Variants in ACYP2 observed in about 807,000 individuals in gnomAD.
ACYP2 encodes the protein acylphosphatase 2, also known as acylphosphatase-2.
Under a neutral mutation model 11.2 loss-of-function variants are expected in ACYP2, and 12 were observed. The ratio of observed to expected loss-of-function variants is 1.08; its 90% CI spans 0.69 to 1.74. ACYP2 has a LOEUF of 1.74. Among genes scored for constraint, ACYP2 ranks in the 40% most tolerant of loss-of-function variants. The pLI is 0.00. For synonymous variants in ACYP2, 43 were observed against 32.2 expected (o/e 1.33, Z -1.13); for missense variants, 134 against 101.9 (o/e 1.31, Z -1.35).
intron 6 of ACYP2, among the ~76,000 whole-genome samples, chr2:54,266,864 C>A (rs930826026): frequency 6.6e-6 from 1 of 151,974 alleles, no homozygotes; most frequent in African/African-American, 2.4e-5. Flanking sequence ...CCGCCTCAGC[C>A]TCCCAAAGTG....
At chr2:54,059,387 T>A (rs2103628778) in intron 4 of ACYP2, among the ~76,000 whole-genome samples, 1 of 151,960 alleles carries the variant, frequency 6.6e-6, no homozygotes, top group African/African-American at 2.4e-5. Context: ...CCTGGCTAAT[T>A]TTTTGTATTT....
intron 4 of ACYP2, among the ~76,000 whole-genome samples, chr2:54,089,395 G>GATATAT (rs58165820): frequency 1.3e-5 from 2 of 148,332 alleles, no homozygotes; most frequent in African/African-American, 2.5e-5. Flanking sequence ...CAGAAGTTCA[G>GATATAT]ATATATATAT....
At chr2:54,036,441 A>C (rs1196208412) in intron 2 of ACYP2, among the ~76,000 whole-genome samples, 1 of 152,224 alleles carries the variant, frequency 6.6e-6, no homozygotes, top group Non-Finnish European at 1.5e-5. Context: ...TTCTGTGGGC[A>C]TCTTTGGGGG....
chr2:54,078,358 A>G (rs1473015624), intron 4 of ACYP2, among the ~76,000 whole-genome samples: 1 of 151,582 alleles, frequency 6.6e-6, no homozygotes, highest in Non-Finnish European at 1.5e-5. Flanking sequence ...CCTAAAAAAA[A>G]AAAGTAATAG....
intron 6 of ACYP2, among the ~76,000 whole-genome samples, chr2:54,188,475 T>A (rs189609334): frequency 1.3e-5 from 2 of 152,306 alleles, no homozygotes; most frequent in Admixed American, 1.3e-4. Context: ...AGATATAATA[T>A]TCGAACTTTC....
intron 6 of ACYP2, among the ~76,000 whole-genome samples, chr2:54,151,404 T>C (rs1423477344): frequency 3.3e-5 from 5 of 152,242 alleles, no homozygotes; most frequent in African/African-American, 1.2e-4. Context: ...TTTTCCTTGC[T>C]TTTTCATCTG....
chr2:53,977,872 T>A (rs1671571197), intron 2 of ACYP2, among the ~76,000 whole-genome samples: 2 of 152,196 alleles, frequency 1.3e-5, no homozygotes, highest in Admixed American at 1.3e-4. Flanking sequence ...GATTTCCTTT[T>A]TTTGTGTGTG....
chr2:54,287,172 G>T (rs1689112094), intron 6 of ACYP2, among the ~76,000 whole-genome samples: 1 of 151,940 alleles, frequency 6.6e-6, no homozygotes. Flanking sequence ...TTCAGTGTCT[G>T]ATAATGGCCT....
chr2:54,190,908 A>G (rs1396609322), intron 6 of ACYP2, among the ~76,000 whole-genome samples: 1 of 152,208 alleles, frequency 6.6e-6, no homozygotes, highest in Non-Finnish European at 1.5e-5. Context: ...CTATATGAGC[A>G]AAAGTCCCTT....
chr2:54,003,795 T>G (rs916495823), intron 2 of ACYP2, among the ~76,000 whole-genome samples: 1 of 152,142 alleles, frequency 6.6e-6, no homozygotes, highest in Non-Finnish European at 1.5e-5. Context: ...GTATGTATAG[T>G]TTTATAAAAA....
intron 2 of ACYP2, among the ~76,000 whole-genome samples, chr2:54,010,747 T>G (rs1260628076): frequency 8.0e-6 from 1 of 124,584 alleles, no homozygotes; most frequent in East Asian, 2.1e-4. Flanking sequence ...CTTTTTTTTT[T>G]TTTTTTTTTT....
intron 2 of ACYP2, among the ~76,000 whole-genome samples, chr2:53,995,919 A>C (rs982210162): frequency 2.6e-5 from 4 of 152,058 alleles, no homozygotes; most frequent in Admixed American, 2.0e-4. Flanking sequence ...GATCACCTGA[A>C]ATCAGGAGTT....
intron 6 of ACYP2, among the ~76,000 whole-genome samples, chr2:54,221,120 C>G (rs1447120190): frequency 2.0e-5 from 3 of 152,066 alleles, no homozygotes; most frequent in Non-Finnish European, 4.4e-5. Flanking sequence ...AGCTGCTGCC[C>G]CTTCACCTTG....
intron 4 of ACYP2, among the ~76,000 whole-genome samples, chr2:54,104,565 AG>A (rs1456024005): frequency 6.6e-6 from 1 of 152,220 alleles, no homozygotes; most frequent in African/African-American, 2.4e-5. Context: ...CTGGAGCCTG[AG>A]TGATACACCA....
intron 3 of ACYP2, among the ~76,000 whole-genome samples, chr2:54,055,793 T>C (rs1676110502): frequency 6.6e-6 from 1 of 152,222 alleles, no homozygotes; most frequent in Non-Finnish European, 1.5e-5. Context: ...AAGTGTTCAG[T>C]TATGAATTGA....
intron 6 of ACYP2, among the ~76,000 whole-genome samples, chr2:54,181,299 G>C (rs1269968484): frequency 6.6e-6 from 1 of 152,172 alleles, no homozygotes; most frequent in African/African-American, 2.4e-5. Flanking sequence ...CTTTAGACTG[G>C]ATGGTCAGGG....
At chr2:54,043,891 C>A (rs764321847) in intron 2 of ACYP2, among the ~76,000 whole-genome samples, 3 of 152,080 alleles carry the variant, frequency 2.0e-5, no homozygotes, top group Non-Finnish European at 4.4e-5. Flanking sequence ...CTCCTTATCC[C>A]AATTAGGAGG....
intron 6 of ACYP2, chr2:54,255,204 T>G: frequency 6.2e-7 from 1 of 1,614,196 alleles, no homozygotes; most frequent in South Asian, 1.1e-5. Flanking sequence ...GGCCGAAGGA[T>G]CTGACCTCAT....
At chr2:54,178,221 T>C (rs750940780) in intron 6 of ACYP2, among the ~76,000 whole-genome samples, 1 of 152,232 alleles carries the variant, frequency 6.6e-6, no homozygotes, top group Non-Finnish European at 1.5e-5. Flanking sequence ...TTTAATTCCC[T>C]ATTGTTATAT....
Sources: gnomAD v4.1 joint callset for allele counts (sites outside exome capture counted in the v4.1 genomes callset) on GRCh38, gnomAD v4.1.1 for gene constraint, MANE v1.5 for transcripts, NCBI Gene and HGNC (gene_info 2026-07-23, HGNC 2026-07-21) for gene names.